Variants in FUT9 observed in about 807,000 individuals in gnomAD.
The protein encoded by FUT9 is fucosyltransferase 9, also known as 4-galactosyl-N-acetylglucosaminide 3-alpha-L-fucosyltransferase 9.
In FUT9, 15 loss-of-function variants were observed where a neutral mutation model predicts 29.7. The observed-to-expected ratio is 0.51, with a 90% CI of 0.34 to 0.78. The LOEUF (loss-of-function observed/expected upper bound fraction) is 0.78. Ranked by LOEUF, FUT9 falls within the 30% of genes least tolerant of loss-of-function variation. FUT9 has a pLI of 0.01. For missense variants in FUT9, 319 were observed against 425.4 expected, an observed-to-expected ratio of 0.75 and a Z score of 2.20; for synonymous variants, 169 against 153.7, an observed-to-expected ratio of 1.10 and a Z score of -0.74.
chr6:96,087,083 A>G (rs1771328112), intron 1 of FUT9, among the ~76,000 whole-genome samples: 1 of 152,160 alleles, frequency 6.6e-6, no homozygotes, highest in Admixed American at 6.6e-5. Context: ...TTCCTGTTGT[A>G]CTTGTTTTTA....
chr6:96,157,619 A>G (rs955657818), intron 2 of FUT9, among the ~76,000 whole-genome samples: 7 of 152,184 alleles, frequency 4.6e-5, no homozygotes, highest in Admixed American at 3.3e-4. Context: ...ATGTAGGAAA[A>G]TTTAAACATC....
In FUT9 at chr6:96,113,622, G is replaced by A. The variant is rs189304501; in HGVS notation, c.-97-417G>A. 4.8e-3 allele frequency among the ~76,000 whole-genome samples: 728 copies of A among 151,742 alleles called. 8 individuals carry two copies. The highest frequency in any genetic ancestry group is 0.017 in the African/African-American group (699 of 41,480). On this transcript the variant is annotated intron_variant, in intron 1 of 2. Coordinates refer to ENST00000302103, the MANE Select transcript of FUT9 (RefSeq NM_006581.4). ...TGTAATCCCAGCACTTTGGGAGGCC[G>A]AGGCGGGCGGATCACGTCAGGAGAT...
intron 1 of FUT9, among the ~76,000 whole-genome samples, chr6:96,110,815 C>CTATTATTTATTTATT (rs1554193306): frequency 1.4e-5 from 2 of 145,046 alleles, no homozygotes; most frequent in East Asian, 2.0e-4. Context: ...ACAAATGTGC[C>CTATTATTTATTTATT]TATTTATTTA....
At chr6:96,017,336 G>A (rs1010473760) in intron 1 of FUT9, among the ~76,000 whole-genome samples, 10 of 152,044 alleles carry the variant, frequency 6.6e-5, no homozygotes, top group Admixed American at 5.9e-4. Context: ...AGCACCAGAC[G>A]GTATTGCTGT....
chr6:96,177,403 T>C (rs1422329874), intron 2 of FUT9, among the ~76,000 whole-genome samples: 1 of 152,034 alleles, frequency 6.6e-6, no homozygotes, highest in East Asian at 1.9e-4. Context: ...AAATTTCCCC[T>C]ACAACAGTCC....
intron 1 of FUT9, among the ~76,000 whole-genome samples, chr6:96,053,945 GAT>G (rs1770718305): frequency 1.3e-5 from 2 of 152,052 alleles, no homozygotes; most frequent in Non-Finnish European, 2.9e-5. Context: ...TACTATATGA[GAT>G]ATAAAATAAA....
intron 2 of FUT9, among the ~76,000 whole-genome samples, chr6:96,126,950 A>C (rs1016260858): frequency 2.0e-5 from 3 of 152,214 alleles, no homozygotes; most frequent in African/African-American, 7.2e-5. Context: ...AACCAAAATA[A>C]TTCATGGAAA....
chr6:96,097,357 G>A (rs1438838670), intron 1 of FUT9, among the ~76,000 whole-genome samples: 4 of 152,084 alleles, frequency 2.6e-5, no homozygotes, highest in Admixed American at 6.5e-5. Flanking sequence ...TGCTTTTTGC[G>A]ACATATGTAG....
intron 2 of FUT9, among the ~76,000 whole-genome samples, chr6:96,160,241 T>C (rs1300190042): frequency 6.6e-6 from 1 of 152,188 alleles, no homozygotes; most frequent in African/African-American, 2.4e-5. Context: ...AATGATGGTA[T>C]TGTGGCTCTG....
At chr6:96,085,451 C>A (rs1001859077) in intron 1 of FUT9, among the ~76,000 whole-genome samples, 1 of 152,208 alleles carries the variant, frequency 6.6e-6, no homozygotes, top group Non-Finnish European at 1.5e-5. Flanking sequence ...AAGCGTAGAG[C>A]ACTCACAATC....
rs1773807531 is a variant in FUT9 at position 96,205,280 on chromosome 6, A to G, written c.*1045A>G. 1.2e-5 allele frequency: 2 copies of G among 167,042 alleles called. No individual in the cohort carries two copies. The highest frequency in any genetic ancestry group is 4.1e-4 in the South Asian group (2 of 4,834). The allele number at this position is 167,042 out of a possible 1,614,324, so 10.3% of individuals were successfully genotyped here. A position where few individuals can be genotyped will look rare whatever the true frequency, so the allele number is the denominator to read the frequency against. On this transcript the variant is annotated 3_prime_UTR_variant, in exon 3 of 3. Coordinates refer to ENST00000302103, the MANE Select transcript of FUT9 (RefSeq NM_006581.4). ...TTATCATCAAGGTATTAAATATAAG[A>G]CGTTAAATATAATAAAGTGGGGATA...
intron 2 of FUT9, among the ~76,000 whole-genome samples, chr6:96,188,268 G>GTA (rs1379792641): frequency 6.6e-6 from 1 of 151,910 alleles, no homozygotes; most frequent in East Asian, 1.9e-4. Context: ...GTGTGTGTAT[G>GTA]TATATATATA....
chr6:96,058,404 C>T (rs537631246), intron 1 of FUT9, among the ~76,000 whole-genome samples: 1 of 133,838 alleles, frequency 7.5e-6, no homozygotes, highest in South Asian at 2.4e-4. Flanking sequence ...TTTCACAAGC[C>T]CTGGAACAAG....
At chr6:96,165,241 G>T (rs1214471327) in intron 2 of FUT9, among the ~76,000 whole-genome samples, 1 of 152,032 alleles carries the variant, frequency 6.6e-6, no homozygotes, top group Non-Finnish European at 1.5e-5. Flanking sequence ...AGACCAGCCT[G>T]ACAAACATGG....
At chr6:96,127,624 A>G (rs1410284712) in intron 2 of FUT9, among the ~76,000 whole-genome samples, 1 of 152,168 alleles carries the variant, frequency 6.6e-6, no homozygotes, top group Non-Finnish European at 1.5e-5. Context: ...GCTTTCAATA[A>G]TGGCTGAACT....
chr6:96,160,452 A>G (rs375713233), intron 2 of FUT9, among the ~76,000 whole-genome samples: 10 of 152,210 alleles, frequency 6.6e-5, no homozygotes, highest in African/African-American at 2.2e-4. Flanking sequence ...GATTTGAAGA[A>G]TAGTCACTCT....
intron 1 of FUT9, among the ~76,000 whole-genome samples, chr6:96,101,414 TG>T (rs1053146279): frequency 1.6e-4 from 25 of 151,730 alleles, no homozygotes; most frequent in African/African-American, 5.8e-4. Context: ...TTGTGGGGGC[TG>T]GGGGGTGCCT....
intron 2 of FUT9, among the ~76,000 whole-genome samples, chr6:96,127,103 A>G (rs936942619): frequency 6.6e-6 from 1 of 152,114 alleles, no homozygotes; most frequent in South Asian, 2.1e-4. Flanking sequence ...TGCATGTCTC[A>G]GGGGTTTGAT....
At chr6:96,033,695 A>G (rs963808434) in intron 1 of FUT9, among the ~76,000 whole-genome samples, 2 of 151,714 alleles carry the variant, frequency 1.3e-5, no homozygotes, top group Admixed American at 6.6e-5. Flanking sequence ...AAACAATTAT[A>G]TAGACAAGCT....
Sources: allele counts gnomAD v4.1 joint callset (sites outside exome capture counted in the v4.1 genomes callset), GRCh38; gene constraint gnomAD v4.1.1; transcripts MANE v1.5; gene names NCBI Gene and HGNC (gene_info 2026-07-23, HGNC 2026-07-21).